CNTNAP2: variants seen among roughly 807,000 people sequenced by gnomAD.
CNTNAP2 encodes the protein contactin-associated protein-like 2.
In CNTNAP2, 98 loss-of-function variants were observed where a neutral mutation model predicts 155.2. The ratio of observed to expected loss-of-function variants is 0.63; its 90% CI spans 0.54 to 0.75. CNTNAP2 has a LOEUF of 0.75. CNTNAP2 is among the 30% of genes least tolerant of loss of function. CNTNAP2 has a pLI of 0.00. For missense variants in CNTNAP2, 1,727 were observed against 1,688.1 expected (o/e 1.02, Z -0.40); for synonymous variants, 651 against 631.2 (o/e 1.03, Z -0.47).
intron 12 of CNTNAP2, among the ~76,000 whole-genome samples, chr7:147,636,912 G>C (rs531155426): frequency 3.6e-4 from 55 of 152,280 alleles, no homozygotes; most frequent in African/African-American, 1.2e-3. Context: ...GCTGGCACTG[G>C]AAGAGAAGAA....
intron 2 of CNTNAP2, among the ~76,000 whole-genome samples, chr7:146,824,141 G>A (rs1448367144): frequency 6.6e-6 from 1 of 152,036 alleles, no homozygotes; most frequent in East Asian, 1.9e-4. Flanking sequence ...GTGGTGTTTG[G>A]TTTTCTGTTC....
chr7:147,251,082 T>C (rs573256422), intron 8 of CNTNAP2, among the ~76,000 whole-genome samples: 4 of 152,300 alleles, frequency 2.6e-5, no homozygotes, highest in African/African-American at 7.2e-5. Context: ...GGCTAACCAA[T>C]AGAGACTGCA....
intron 8 of CNTNAP2, among the ~76,000 whole-genome samples, chr7:147,272,000 C>T (rs1168712856): frequency 6.6e-6 from 1 of 152,106 alleles, no homozygotes; most frequent in Non-Finnish European, 1.5e-5. Context: ...TCAAGCAATT[C>T]TCATGCCTCA....
chr7:146,142,723 A>G (rs940772153), intron 1 of CNTNAP2, among the ~76,000 whole-genome samples: 2 of 152,206 alleles, frequency 1.3e-5, no homozygotes, highest in African/African-American at 4.8e-5. Flanking sequence ...AATTCTGTGT[A>G]AAATAATACA....
At chr7:147,449,840 T>C (rs372112696) in intron 10 of CNTNAP2, among the ~76,000 whole-genome samples, 2 of 152,334 alleles carry the variant, frequency 1.3e-5, no homozygotes, top group South Asian at 2.1e-4. Flanking sequence ...AAACATTCTC[T>C]GCTTTTTTCT....
At chr7:147,429,069 C>T (rs1797426228) in intron 10 of CNTNAP2, among the ~76,000 whole-genome samples, 1 of 151,902 alleles carries the variant, frequency 6.6e-6, no homozygotes. Context: ...AGAATGTTGG[C>T]CTCCATCTCC....
intron 1 of CNTNAP2, among the ~76,000 whole-genome samples, chr7:146,671,880 A>C (rs1408067639): frequency 1.3e-5 from 2 of 151,172 alleles, no homozygotes; most frequent in African/African-American, 4.9e-5. Context: ...CAATGTTGTG[A>C]TCTCAGATCA....
chr7:147,937,789 T>A (rs1186167835), intron 14 of CNTNAP2, among the ~76,000 whole-genome samples: 1 of 152,170 alleles, frequency 6.6e-6, no homozygotes, highest in African/African-American at 2.4e-5. Flanking sequence ...ACTTCCTAGA[T>A]TTTTTTCAGG....
intron 1 of CNTNAP2, among the ~76,000 whole-genome samples, chr7:146,290,110 G>C (rs1584851071): frequency 6.6e-6 from 1 of 152,078 alleles, no homozygotes; most frequent in South Asian, 2.1e-4. Flanking sequence ...GTATGTATGA[G>C]GTATGGCTCA....
chr7:146,439,873 C>T (rs554339339), intron 1 of CNTNAP2, among the ~76,000 whole-genome samples: 1 of 151,598 alleles, frequency 6.6e-6, no homozygotes, highest in Non-Finnish European at 1.5e-5. Flanking sequence ...CCTGTAATCT[C>T]AGCACTTTGG....
chr7:146,252,889 GATA>G (rs1303425687), intron 1 of CNTNAP2, among the ~76,000 whole-genome samples: 2 of 110,778 alleles, frequency 1.8e-5, no homozygotes, highest in Non-Finnish European at 3.2e-5. Context: ...TCATCGTAAT[GATA>G]ATAATGAGAG....
chr7:147,308,387 T>C (rs1795068599), intron 9 of CNTNAP2, among the ~76,000 whole-genome samples: 2 of 152,152 alleles, frequency 1.3e-5, no homozygotes, highest in Admixed American at 1.3e-4. Context: ...GGGAGAACAG[T>C]GGCAACTATT....
intron 1 of CNTNAP2, among the ~76,000 whole-genome samples, chr7:146,647,312 T>C (rs2129162839): frequency 6.6e-6 from 1 of 152,228 alleles, no homozygotes; most frequent in African/African-American, 2.4e-5. Flanking sequence ...AATCTGAGCA[T>C]GATATCCTTC....
At chr7:146,819,787 A>G (rs1803240601) in intron 2 of CNTNAP2, among the ~76,000 whole-genome samples, 1 of 152,048 alleles carries the variant, frequency 6.6e-6, no homozygotes, top group South Asian at 2.1e-4. Flanking sequence ...AAGTTTCTCA[A>G]CTCAGAATGT....
At chr7:146,751,391 A>C (rs1463789138) in intron 1 of CNTNAP2, among the ~76,000 whole-genome samples, 1 of 152,172 alleles carries the variant, frequency 6.6e-6, no homozygotes, top group African/African-American at 2.4e-5. Context: ...AGACTGTTAG[A>C]ATGTTACCTG....
intron 1 of CNTNAP2, among the ~76,000 whole-genome samples, chr7:146,475,005 G>GCGCGCA (rs1554438422): frequency 1.6e-5 from 2 of 127,336 alleles, no homozygotes; most frequent in African/African-American, 6.4e-5. Context: ...GCGCACGCGC[G>GCGCGCA]CGCGCGCGCA....
At chr7:146,225,582 C>G (rs1426771192) in intron 1 of CNTNAP2, among the ~76,000 whole-genome samples, 3 of 143,526 alleles carry the variant, frequency 2.1e-5, no homozygotes, top group Non-Finnish European at 4.4e-5. Flanking sequence ...AGAAAACCTT[C>G]TACATATTAT....
At chr7:147,775,338 AATAT>A (rs1173038496) in intron 13 of CNTNAP2, among the ~76,000 whole-genome samples, 1 of 32,940 alleles carries the variant, frequency 3.0e-5, no homozygotes. Flanking sequence ...TATATTTATA[AATAT>A]ATATATTTAT....
intron 1 of CNTNAP2, among the ~76,000 whole-genome samples, chr7:146,186,113 C>A (rs1415507028): frequency 2.0e-5 from 3 of 152,062 alleles, no homozygotes; most frequent in Non-Finnish European, 4.4e-5. Context: ...GTAAAACAAA[C>A]CCTCTCAATC....
Sources: allele counts gnomAD v4.1 joint callset (sites outside exome capture counted in the v4.1 genomes callset), GRCh38; gene constraint gnomAD v4.1.1; transcripts MANE v1.5; gene names NCBI Gene and HGNC (gene_info 2026-07-23, HGNC 2026-07-21).